The following MEGF11 variants were observed in gnomAD, a reference collection of about 807,000 sequenced individuals.
MEGF11 encodes the protein multiple EGF like domains 11, also known as multiple epidermal growth factor-like domains protein 11.
A neutral mutation model predicts 146.6 loss-of-function variants in MEGF11; 126 were observed. That is an observed-to-expected ratio of 0.86 (90% CI 0.74 to 1.00). The LOEUF (loss-of-function observed/expected upper bound fraction) is 1.00, where lower values mean the gene tolerates loss of function less well. Among genes scored for constraint, MEGF11 ranks in the 50% least tolerant of loss-of-function variants. The pLI is 0.00. For missense variants in MEGF11, 1,509 were observed against 1,521.2 expected (o/e 0.99, Z 0.13); for synonymous variants, 532 against 583.4 (o/e 0.91, Z 1.27).
At chr15:66,124,793 G>A (rs1356454800) in intron 2 of MEGF11, among the ~76,000 whole-genome samples, 1 of 152,262 alleles carries the variant, frequency 6.6e-6, no homozygotes, top group Non-Finnish European at 1.5e-5. Context: ...ACCAAAATAA[G>A]CCTTTCTACC....
At chr15:66,198,646 T>C (rs1008805395) in intron 1 of MEGF11, among the ~76,000 whole-genome samples, 2 of 127,442 alleles carry the variant, frequency 1.6e-5, no homozygotes, top group African/African-American at 5.4e-5. Flanking sequence ...CCACCACACC[T>C]GGCTAATTTT....
chr15:66,021,687 C>G (rs776780916), intron 5 of MEGF11, among the ~76,000 whole-genome samples: 1 of 152,106 alleles, frequency 6.6e-6, no homozygotes, highest in Admixed American at 6.5e-5. Context: ...GCAGAGTTTC[C>G]CAGATACCCC....
At chr15:66,062,019 C>T (rs2084926927) in intron 5 of MEGF11, among the ~76,000 whole-genome samples, 1 of 152,218 alleles carries the variant, frequency 6.6e-6, no homozygotes, top group African/African-American at 2.4e-5. Flanking sequence ...CTTGGCCTCC[C>T]AAAAGTGCTG....
rs1157367137 is a variant in MEGF11, at chr15:66,212,294, G to A, written c.-9+41311C>T. On this transcript the variant is annotated intron_variant, in intron 1 of 25. Transcript: ENST00000395614. Reference sequence around the variant, plus strand: ...CACACACAGCCACTTACACACCACGGCCGAACCCCAGGCCCAGCACACAGA... The same window carrying A: ...CACACACAGCCACTTACACACCACGACCGAACCCCAGGCCCAGCACACAGA... Among the ~76,000 whole-genome samples the A allele has an allele frequency of 2.6e-5, 4 of 152,108 alleles. No homozygotes were observed. In the South Asian group the frequency reaches 6.2e-4, roughly 24 times the overall value.
chr15:65,989,566 TGATA>T (rs2081969555), intron 5 of MEGF11, among the ~76,000 whole-genome samples: 1 of 152,248 alleles, frequency 6.6e-6, no homozygotes, highest in Non-Finnish European at 1.5e-5. Flanking sequence ...CCATTCCAGC[TGATA>T]AATAAAGTGA....
intron 1 of MEGF11, among the ~76,000 whole-genome samples, chr15:66,195,508 T>G (rs2090986355): frequency 6.6e-6 from 1 of 152,116 alleles, no homozygotes; most frequent in African/African-American, 2.4e-5. Flanking sequence ...ATTTGGGAAG[T>G]GATCCCACAG....
chr15:66,251,445 C>T (rs1441777514), intron 1 of MEGF11, among the ~76,000 whole-genome samples: 2 of 152,208 alleles, frequency 1.3e-5, no homozygotes, highest in Admixed American at 6.5e-5. Context: ...TGGGGCTGAG[C>T]CCTGTGTGCG....
intron 13 of MEGF11, among the ~76,000 whole-genome samples, chr15:65,923,438 C>T (rs1196549664): frequency 1.3e-5 from 2 of 152,190 alleles, no homozygotes; most frequent in African/African-American, 2.4e-5. Context: ...GCATGTTAGC[C>T]CAGGAGCCAC....
chr15:65,990,725 A>C (rs1188272510), intron 5 of MEGF11, among the ~76,000 whole-genome samples: 1 of 152,046 alleles, frequency 6.6e-6, no homozygotes, highest in Non-Finnish European at 1.5e-5. Flanking sequence ...GAAAGAAAGA[A>C]AGAAAGAAAG....
chr15:66,152,103 T>C (rs1440888258), intron 1 of MEGF11, among the ~76,000 whole-genome samples: 1 of 152,162 alleles, frequency 6.6e-6, no homozygotes, highest in East Asian at 1.9e-4. Context: ...AGCACCACCT[T>C]GCCCACCTGC....
chr15:66,125,112 G>A (rs2088273035), intron 2 of MEGF11, among the ~76,000 whole-genome samples: 1 of 152,178 alleles, frequency 6.6e-6, no homozygotes, highest in Admixed American at 6.5e-5. Context: ...AAAGGTCAAA[G>A]GTCTGGCATC....
chr15:66,119,560 C>T (rs1181500169), intron 3 of MEGF11, among the ~76,000 whole-genome samples: 1 of 152,118 alleles, frequency 6.6e-6, no homozygotes, highest in East Asian at 1.9e-4. Flanking sequence ...GGAGTCAGGC[C>T]CTGAGGGTTT....
chr15:66,162,570 G>T (rs764616325), intron 1 of MEGF11, among the ~76,000 whole-genome samples: 3 of 152,092 alleles, frequency 2.0e-5, no homozygotes, highest in Non-Finnish European at 2.9e-5. Context: ...TCAAGAACAG[G>T]CAAAAGTAAT....
At chr15:66,008,768 G>C (rs565728949) in intron 5 of MEGF11, among the ~76,000 whole-genome samples, 6 of 150,338 alleles carry the variant, frequency 4.0e-5, no homozygotes, top group Non-Finnish European at 7.4e-5. Flanking sequence ...AGATTGAAGT[G>C]AACCATGATT....
chr15:66,200,682 T>G (rs2091134772), intron 1 of MEGF11, among the ~76,000 whole-genome samples: 1 of 152,176 alleles, frequency 6.6e-6, no homozygotes, highest in Non-Finnish European at 1.5e-5. Context: ...TACTTCTACA[T>G]GAAGGAGTGA....
chr15:66,082,164 G>A (rs2085884903), intron 5 of MEGF11, among the ~76,000 whole-genome samples: 1 of 152,112 alleles, frequency 6.6e-6, no homozygotes. Context: ...CAAGTTCTGG[G>A]TTCTGATCCC....
rs541667248 is a variant in MEGF11, at chr15:66,006,207, A to G, written c.395-23719T>C. 5.3e-5 allele frequency among the ~76,000 whole-genome samples: 8 copies of G among 152,164 alleles called. No homozygotes were observed. In the East Asian group the frequency reaches 1.5e-3, roughly 29 times the overall value. ...GAGGAGAGGCAGGCTGGGACTGGGG[A>G]GAGATGGGAATCAGGAGCCCGGGGC... On this transcript the variant is annotated intron_variant, in intron 5 of 25. Coordinates refer to ENST00000395614, the MANE Select transcript of MEGF11 (RefSeq NM_001385028.1).
chr15:66,010,788 C>T (rs2082687186), intron 5 of MEGF11, among the ~76,000 whole-genome samples: 1 of 152,200 alleles, frequency 6.6e-6, no homozygotes, highest in Non-Finnish European at 1.5e-5. Flanking sequence ...CACTAGGAGC[C>T]ACTGAAATGC....
intron 10 of MEGF11, among the ~76,000 whole-genome samples, chr15:65,946,400 A>G (rs1443236030): frequency 6.6e-6 from 1 of 152,142 alleles, no homozygotes; most frequent in African/African-American, 2.4e-5. Context: ...ACATTTGGGG[A>G]GGATGGGATC....
Sources: allele counts gnomAD v4.1 joint callset (sites outside exome capture counted in the v4.1 genomes callset), GRCh38; gene constraint gnomAD v4.1.1; transcripts MANE v1.5; gene names NCBI Gene and HGNC (gene_info 2026-07-23, HGNC 2026-07-21).